Variants in RBL2 observed in about 807,000 individuals in gnomAD.
The protein encoded by RBL2 is retinoblastoma-like protein 2.
Under a neutral mutation model 126.0 loss-of-function variants are expected in RBL2, and 56 were observed. That is an observed-to-expected ratio of 0.44 (90% confidence interval 0.36 to 0.56). The LOEUF (loss-of-function observed/expected upper bound fraction) is 0.56. Among genes scored for constraint, RBL2 ranks in the 20% least tolerant of loss-of-function variants. The pLI is 0.00. For missense variants in RBL2, 1,229 were observed against 1,398.2 expected (o/e 0.88, Z 1.93); for synonymous variants, 454 against 478.5 (o/e 0.95, Z 0.67).
rs2058069655 is a variant in RBL2, at chr16:53,447,101, CA to C, written c.636del (p.Gly213ValfsTer5). 1.3e-6 allele frequency: 2 copies of C among 1,503,252 alleles called. No individual in the cohort carries two copies. The highest frequency in any genetic ancestry group is 1.8e-5 in the Admixed American group (1 of 56,552). The allele number at this position is 1,503,252 out of a possible 1,614,324, so 93.1% of individuals were successfully genotyped here. On this transcript the variant is annotated frameshift_variant, in exon 4 of 22. Coordinates refer to ENST00000262133, the MANE Select transcript of RBL2 (RefSeq NM_005611.4). LOFTEE classifies it high-confidence loss of function. ...FHFCWVLFIY[A>X]KGNFPMISDD... ...TTTTGTTGGGTGCTTTTTATATATG[CA>C]AAAGGTAAGAAAATAGTAATATTTA...
intron 18 of RBL2, 61 bp from the exon 19 acceptor site, chr16:53,479,825 A>G (rs1199524782): frequency 6.1e-6 from 7 of 1,150,004 alleles, no homozygotes; most frequent in African/African-American, 3.1e-5. Flanking sequence ...TGAAGGTCCT[A>G]TCACCAAGGG....
intron 3 of RBL2, 126 bp downstream of exon 3, chr16:53,442,984 G>A (rs542550578): frequency 1.3e-5 from 10 of 774,838 alleles, no homozygotes; most frequent in African/African-American, 5.5e-5. Context: ...TTCCTCAGTC[G>A]TTTTCTTTTA....
At chr16:53,451,934 T>C in intron 5 of RBL2, 103 bp downstream of exon 5, 2 of 1,319,862 alleles carry the variant, frequency 1.5e-6, no homozygotes, top group African/African-American at 1.5e-5. Flanking sequence ...GAAGAGCTCC[T>C]GTCATTACGG....
At chr16:53,488,000 G>C (rs1258868740) in intron 21 of RBL2, 1 of 152,182 alleles carries the variant, frequency 6.6e-6, no homozygotes, top group African/African-American at 2.4e-5. Context: ...CGCCACTGTG[G>C]AAAGTTGTTT....
chr16:53,456,117 A>C (rs917166642), intron 8 of RBL2, among the ~76,000 whole-genome samples: 1 of 152,160 alleles, frequency 6.6e-6, no homozygotes, highest in East Asian at 1.9e-4. Context: ...TCCAGGCTGC[A>C]GTGAGCCGTG....
intron 1 of RBL2, 110 bp from the exon 2 acceptor site, chr16:53,438,906 G>A (rs936467702): frequency 1.0e-5 from 3 of 285,954 alleles, no homozygotes; most frequent in South Asian, 6.9e-5. Flanking sequence ...TTGAAACTAA[G>A]TTTCCCACAA....
At chr16:53,437,351 T>C (rs1266502240) in intron 1 of RBL2, among the ~76,000 whole-genome samples, 1 of 151,842 alleles carries the variant, frequency 6.6e-6, no homozygotes, top group Non-Finnish European at 1.5e-5. Context: ...TATTGATACA[T>C]ATAAGTGGGT....
At chr16:53,462,431 G>A (rs931216033) in intron 10 of RBL2, 121 bp from the exon 11 acceptor site, 11 of 561,640 alleles carry the variant, frequency 2.0e-5, no homozygotes, top group Non-Finnish European at 3.1e-5. Context: ...CATAAGAAGT[G>A]TGCATATCTA....
chr16:53,479,143 T>A lies in RBL2; in HGVS notation c.2704-11T>A. On this transcript the variant is annotated splice_polypyrimidine_tract_variant and intron_variant, in intron 17 of 21. Coordinates refer to ENST00000262133, the MANE Select transcript of RBL2 (RefSeq NM_005611.4). ...TGCCATGTCTCTCAGAGCACTCTTA[T>A]TGTTTGCCAGGTCACAAAAGAAGAT... The A allele has an allele frequency of 1.9e-6, 3 of 1,607,636 alleles. No homozygotes were observed. Among genetic ancestry groups the A allele is most frequent in the Non-Finnish European group, 2.6e-6 (3 of 1,174,394 alleles).
At chr16:53,465,894 C>G (rs1244781682) in intron 13 of RBL2, 5 of 200,562 alleles carry the variant, frequency 2.5e-5, no homozygotes, top group Non-Finnish European at 5.0e-5. Context: ...ATACAGGGTA[C>G]TCCTAGGTAG....
At chr16:53,473,598 C>G (rs1960604381) in intron 17 of RBL2, among the ~76,000 whole-genome samples, 1 of 151,644 alleles carries the variant, frequency 6.6e-6, no homozygotes, top group African/African-American at 2.4e-5. Context: ...ATGTAATCTG[C>G]TTATAATTTT....
intron 12 of RBL2, among the ~76,000 whole-genome samples, 168 bp from the exon 13 acceptor site, chr16:53,465,270 C>A (rs1026077318): frequency 6.6e-6 from 1 of 151,992 alleles, no homozygotes; most frequent in Non-Finnish European, 1.5e-5. Flanking sequence ...ACAATGTAAA[C>A]CATTTTATAT....
chr16:53,446,143 T>TA (rs972542003), intron 3 of RBL2, among the ~76,000 whole-genome samples: 2 of 152,080 alleles, frequency 1.3e-5, no homozygotes, highest in African/African-American at 4.8e-5. Flanking sequence ...AGTGTTAAGC[T>TA]AAAAAAAATT....
chr16:53,466,473 G>A (rs1243356669), intron 13 of RBL2, among the ~76,000 whole-genome samples: 1 of 151,760 alleles, frequency 6.6e-6, no homozygotes, highest in Non-Finnish European at 1.5e-5. Flanking sequence ...TAGAGTCAGT[G>A]GGAGCCCTGA....
intron 21 of RBL2, chr16:53,489,169 TAAC>T (rs1002382235): frequency 2.1e-4 from 32 of 152,136 alleles, no homozygotes; most frequent in African/African-American, 5.3e-4. Flanking sequence ...AGAATAAAAA[TAAC>T]AAGTGTCATG....
intron 1 of RBL2, among the ~76,000 whole-genome samples, 173 bp from the exon 2 acceptor site, chr16:53,438,843 C>CAAAAAAAA (rs11302382): frequency 6.6e-5 from 2 of 30,532 alleles, no homozygotes; most frequent in Non-Finnish European, 1.3e-4. Context: ...GATTCCATCT[C>CAAAAAAAA]AAAAAAAAAA....
intron 17 of RBL2, among the ~76,000 whole-genome samples, chr16:53,475,320 A>G (rs1960685988): frequency 6.6e-6 from 1 of 152,138 alleles, no homozygotes; most frequent in African/African-American, 2.4e-5. Flanking sequence ...GTTTCCAGTG[A>G]TTCTTGTGCC....
In RBL2 at chr16:53,453,607, A is replaced by G; in HGVS notation, c.922A>G (p.Lys308Glu). The change falls in exon 6 of 22, where the codon AAA becomes GAA. Residue 308 changes from lysine to glutamate, a missense_variant. By Grantham distance (56) the Lys-to-Glu change is moderately conservative. Around this residue, in one of 2 missense-constraint regions of RBL2, gnomAD observed 1,070 missense variants for 1,274.3 expected, o/e 0.84. Transcript: ENST00000262133. The stretch of plus-strand genomic sequence containing the variant: ...ACCCTATATTAGGAAACTTTATGAA[A>G]AAAAGGTTTGTAAGTAGCAAAGAAA... ...WKPYIRKLYEKKLLKGKEENL... is the reference protein window; with the variant it reads ...WKPYIRKLYEEKLLKGKEENL... 6.2e-7 allele frequency: 1 copy of G among 1,606,188 alleles called. No individual in the cohort carries two copies. Among genetic ancestry groups the G allele is most frequent in the Non-Finnish European group, 8.5e-7 (1 of 1,176,564 alleles).
chr16:53,435,008 A>G (rs962351703), intron 1 of RBL2, among the ~76,000 whole-genome samples: 2 of 152,130 alleles, frequency 1.3e-5, no homozygotes, highest in Admixed American at 6.5e-5. Context: ...CGAATGGGGA[A>G]CGCGTCTTGC....
Sources: gnomAD v4.1 joint callset for allele counts (sites outside exome capture counted in the v4.1 genomes callset) on GRCh38, gnomAD v4.1.1 for gene constraint, gnomAD v4.1.1 regional missense constraint, MANE v1.5 for transcripts, NCBI Gene and HGNC (gene_info 2026-07-23, HGNC 2026-07-21) for gene names.